PCDH11X: variants seen among roughly 807,000 people sequenced by gnomAD.
PCDH11X encodes the protein protocadherin-11 X-linked.
PCDH11X carries 18 observed loss-of-function variants against 53.3 expected under a neutral mutation model. The ratio of observed to expected loss-of-function variants is 0.34; its 90% confidence interval spans 0.23 to 0.50. PCDH11X has a LOEUF of 0.50. Ranked by LOEUF, PCDH11X falls within the 20% of genes least tolerant of loss-of-function variation. PCDH11X has a pLI of 0.98. For synonymous variants in PCDH11X, 279 were observed against 393.3 expected (o/e 0.71, Z 3.44); for missense variants, 570 against 1,032.4 (o/e 0.55, Z 6.14).
At chrX:92,072,485 A>C (rs888773000) in intron 6 of PCDH11X, among the ~76,000 whole-genome samples, 1 of 111,304 alleles carries the variant, frequency 9.0e-6, no homozygotes, top group Non-Finnish European at 1.9e-5. Flanking sequence ...TCAGAGCCCA[A>C]GGGCTCTTCA....
intron 6 of PCDH11X, among the ~76,000 whole-genome samples, chrX:92,118,643 A>AT (rs1217169073): frequency 2.1e-4 from 20 of 97,433 alleles, no homozygotes; most frequent in East Asian, 3.2e-4. Flanking sequence ...TTCTATTAGT[A>AT]TTTTTTTTCA....
intron 6 of PCDH11X, among the ~76,000 whole-genome samples, chrX:92,029,898 A>G (rs995959993): frequency 9.8e-5 from 11 of 112,411 alleles, no homozygotes; most frequent in African/African-American, 2.9e-4. Context: ...GTTGATTGAT[A>G]TTAGAAATTC....
rs778973587 is a variant in PCDH11X at position 92,339,116 on chromosome X, A to C, written c.3145-48619A>C. On this transcript the variant is annotated intron_variant, in intron 8 of 10. Transcript: ENST00000682573. ...CTAGAGAACCCAGAAATAAAACCAC[A>C]CACATACCAACATCTGATTTTTGAC... Among the ~76,000 whole-genome samples the C allele has an allele frequency of 4.5e-5, 5 of 111,880 alleles. No individual in the cohort carries two copies. The South Asian group carries it at 1.9e-3, about 42-fold the overall frequency.
At chrX:92,127,762 C>A (rs1346764373) in intron 6 of PCDH11X, among the ~76,000 whole-genome samples, 2 of 110,765 alleles carry the variant, frequency 1.8e-5, no homozygotes, top group Non-Finnish European at 3.8e-5. Flanking sequence ...ACCTCATGAT[C>A]TGCCCACCTC....
chrX:92,013,787 A>T (rs1202967221), intron 6 of PCDH11X, among the ~76,000 whole-genome samples: 5 of 111,924 alleles, frequency 4.5e-5, no homozygotes, highest in Non-Finnish European at 9.4e-5. Flanking sequence ...TGGGGAAAGG[A>T]TTCCCTATTT....
At chrX:91,819,650 T>TTTTTTA (rs1184605534) in intron 4 of PCDH11X, among the ~76,000 whole-genome samples, 1 of 109,259 alleles carries the variant, frequency 9.2e-6, no homozygotes, top group South Asian at 3.9e-4. Flanking sequence ...TTCCTTTCTT[T>TTTTTTA]TTTTTATTTT....
At chrX:92,563,246 A>ATGG (rs1921031044) in intron 10 of PCDH11X, among the ~76,000 whole-genome samples, 1 of 107,384 alleles carries the variant, frequency 9.3e-6, no homozygotes, top group South Asian at 4.2e-4. Flanking sequence ...ATTATGTCAC[A>ATGG]TGGCAAAAGC....
chrX:92,163,638 G>T (rs1473675758), intron 6 of PCDH11X, among the ~76,000 whole-genome samples: 1 of 111,783 alleles, frequency 8.9e-6, no homozygotes, highest in African/African-American at 3.3e-5. Flanking sequence ...TTTGGGGGCA[G>T]ACAGTCCCCC....
chrX:92,578,211 G>C (rs1273730329), intron 10 of PCDH11X, among the ~76,000 whole-genome samples: 2 of 97,539 alleles, frequency 2.1e-5, no homozygotes, highest in East Asian at 6.1e-4. Context: ...GGTCTATTGG[G>C]GGATGGGGGG....
intron 6 of PCDH11X, among the ~76,000 whole-genome samples, chrX:91,973,834 C>G (rs192663324): frequency 1.8e-5 from 2 of 109,955 alleles, no homozygotes; most frequent in African/African-American, 6.6e-5. Flanking sequence ...AGGCTGGTCT[C>G]GAACTCCTGA....
chrX:91,817,646 G>A (rs929556335), intron 4 of PCDH11X, among the ~76,000 whole-genome samples: 1 of 110,914 alleles, frequency 9.0e-6, no homozygotes, highest in African/African-American at 3.3e-5. Flanking sequence ...TACAACTAAG[G>A]GATTGAATTT....
intron 8 of PCDH11X, among the ~76,000 whole-genome samples, chrX:92,266,120 T>A (rs2067824789): frequency 9.0e-6 from 1 of 111,586 alleles, no homozygotes; most frequent in African/African-American, 3.2e-5. Context: ...TGAAGGGTAT[T>A]TTGGATATTA....
At chrX:92,259,483 TA>T (rs1422830859) in intron 7 of PCDH11X, among the ~76,000 whole-genome samples, 1 of 110,804 alleles carries the variant, frequency 9.0e-6, no homozygotes, top group Non-Finnish European at 1.9e-5. Flanking sequence ...TACACAGTTT[TA>T]AAAGAACCAG....
intron 9 of PCDH11X, among the ~76,000 whole-genome samples, chrX:92,420,040 A>G (rs2071926675): frequency 9.0e-6 from 1 of 110,605 alleles, no homozygotes; most frequent in Admixed American, 9.6e-5. Flanking sequence ...ACTTTAATAT[A>G]TCTGTTGACC....
chrX:91,781,914 G>A (rs773803960), intron 1 of PCDH11X, among the ~76,000 whole-genome samples: 64 of 112,456 alleles, frequency 5.7e-4, no homozygotes, highest in Middle Eastern at 9.2e-3. Flanking sequence ...GCTGAGTCCC[G>A]CTGCAGCTGC....
chrX:91,949,092 T>A (rs764230593), intron 6 of PCDH11X, among the ~76,000 whole-genome samples: 2 of 110,433 alleles, frequency 1.8e-5, no homozygotes, highest in East Asian at 5.8e-4. Flanking sequence ...TACTTTGCAG[T>A]TCAGCACTTC....
At chrX:91,970,766 A>G (rs1209521075) in intron 6 of PCDH11X, among the ~76,000 whole-genome samples, 3 of 111,980 alleles carry the variant, frequency 2.7e-5, no homozygotes, top group Non-Finnish European at 3.8e-5. Flanking sequence ...AAATGATGCA[A>G]CAGGAAAATA....
intron 6 of PCDH11X, among the ~76,000 whole-genome samples, chrX:91,964,769 G>A (rs2061841800): frequency 8.9e-6 from 1 of 111,940 alleles, no homozygotes; most frequent in Non-Finnish European, 1.9e-5. Flanking sequence ...CTACAGCTGT[G>A]CCTCTCTGGC....
At chrX:92,046,226 A>G (rs1381166785) in intron 6 of PCDH11X, among the ~76,000 whole-genome samples, 1 of 111,542 alleles carries the variant, frequency 9.0e-6, no homozygotes, top group Non-Finnish European at 1.9e-5. Context: ...TCTTTTGAGA[A>G]TTGGTCATTA....
Sources: allele counts gnomAD v4.1 joint callset (sites outside exome capture counted in the v4.1 genomes callset), GRCh38; gene constraint gnomAD v4.1.1; transcripts MANE v1.5; gene names NCBI Gene and HGNC (gene_info 2026-07-23, HGNC 2026-07-21).